The following C1QTNF2 variants were observed in gnomAD, a reference collection of about 807,000 sequenced individuals.
C1QTNF2 encodes the protein C1q and TNF related 2.
Under a neutral mutation model 17.4 loss-of-function variants are expected in C1QTNF2, and 15 were observed. The observed-to-expected ratio is 0.86, with a 90% CI of 0.58 to 1.33. The LOEUF is 1.33. C1QTNF2 is among the 40% of genes most tolerant of loss of function. C1QTNF2 has a pLI of 0.00. For missense variants in C1QTNF2, 381 were observed against 392.3 expected, an observed-to-expected ratio of 0.97 and a Z score of 0.24; for synonymous variants, 154 against 163.3, an observed-to-expected ratio of 0.94 and a Z score of 0.44.
chr5:160,354,585 A>G (rs867173744), intron 2 of C1QTNF2, among the ~76,000 whole-genome samples, 183 bp downstream of exon 2: 3,378 of 49,268 alleles, frequency 0.069, 196 homozygotes, highest in African/African-American at 0.2. Flanking sequence ...TCTCAAGGGG[A>G]AAAAAAAAAA....
Position 160,349,677 on chromosome 5 carries a change from G to A in C1QTNF2, c.349C>T (p.Pro117Ser). 6.2e-7 allele frequency: 1 copy of A among 1,612,810 alleles called. No individual in the cohort carries two copies. Among genetic ancestry groups the A allele is most frequent in the Non-Finnish European group, 8.5e-7 (1 of 1,179,704 alleles). The change falls in exon 3 of 3, where the codon CCC (proline) becomes TCC (serine). Residue 117 changes from proline (P) to serine (S), a missense_variant. By Grantham distance (74) the Pro-to-Ser change is moderately conservative. Coordinates refer to ENST00000652664, the MANE Select transcript of C1QTNF2 (RefSeq NM_031908.6). The surrounding 1 kb of genome is among the most constrained non-coding windows in gnomAD (Gnocchi z 4.3). ...PRGPKGVNGT[P>S]GKHGTPGKKG... is the part of the protein sequence containing the mutation. Reference sequence around the variant, plus strand: ...TTGCCTGGTGTGCCATGCTTCCCGGGGGTACCGTTGACCCCCTTGGGGCCA... The same window carrying A: ...TTGCCTGGTGTGCCATGCTTCCCGGAGGTACCGTTGACCCCCTTGGGGCCA...
At chr5:160,353,388 G>A (rs1403758812) in intron 2 of C1QTNF2, among the ~76,000 whole-genome samples, 2 of 152,080 alleles carry the variant, frequency 1.3e-5, no homozygotes, top group Non-Finnish European at 2.9e-5. Context: ...CATTCTGCTC[G>A]CCGTCTGCCT....
rs1764012630 is a variant in C1QTNF2, at chr5:160,354,840, C to T, written c.172G>A (p.Gly58Arg). 1 of 1,613,098 alleles carries T rather than the reference C, an allele frequency of 6.2e-7. No individual in the cohort carries two copies. The highest frequency in any genetic ancestry group is 8.5e-7 in the Non-Finnish European group (1 of 1,179,764). ...TCTTTGCCAGGAAAGCCCATTCGTCCCATCATTCCTGAGGGCCCTGGGGCT... is the reference window on the plus strand; with the variant it reads ...TCTTTGCCAGGAAAGCCCATTCGTCTCATCATTCCTGAGGGCCCTGGGGCT... ...PGAPGPSGMM[G>R]RMGFPGKDGQ... Residue 58 changes from glycine to arginine, a missense_variant, in exon 2 of 3, where the codon GGA (glycine) becomes AGA (arginine). By Grantham distance (125) the Gly-to-Arg change is moderately radical (BLOSUM62 -2). Coordinates refer to ENST00000652664, the MANE Select transcript of C1QTNF2 (RefSeq NM_031908.6).
chr5:160,351,752 C>T (rs13171059), intron 2 of C1QTNF2, among the ~76,000 whole-genome samples: 60,381 of 151,306 alleles, frequency 0.4, 12,996 homozygotes, highest in Middle Eastern at 0.48. Context: ...GAATATATTA[C>T]AATGAGACTG....
chr5:160,361,867 C>T (rs1284009803), intron 1 of C1QTNF2, among the ~76,000 whole-genome samples: 1 of 152,172 alleles, frequency 6.6e-6, no homozygotes, highest in Non-Finnish European at 1.5e-5. Flanking sequence ...CTTATCCCAT[C>T]CTGTTCTTTC....
intron 1 of C1QTNF2, among the ~76,000 whole-genome samples, chr5:160,358,464 TA>T (rs1747509711): frequency 8.1e-6 from 1 of 123,026 alleles, no homozygotes; most frequent in Non-Finnish European, 1.9e-5. Context: ...GGCCTTTCTT[TA>T]ATTTTTTTTT....
chr5:160,358,001 G>A (rs984915528), intron 1 of C1QTNF2, among the ~76,000 whole-genome samples: 8 of 152,330 alleles, frequency 5.3e-5, no homozygotes, highest in Admixed American at 1.3e-4. Context: ...AGAGGAAGGC[G>A]GATTTGCTCT....
At chr5:160,365,075 G>C (rs1324810326) in intron 1 of C1QTNF2, among the ~76,000 whole-genome samples, 1 of 152,202 alleles carries the variant, frequency 6.6e-6, no homozygotes, top group Non-Finnish European at 1.5e-5. Flanking sequence ...ATAACTGTCT[G>C]CTTACCTGAG....
intron 1 of C1QTNF2, among the ~76,000 whole-genome samples, chr5:160,358,926 G>A (rs979277587): frequency 1.3e-5 from 2 of 152,078 alleles, no homozygotes; most frequent in Admixed American, 1.3e-4. Context: ...GACTATAGGA[G>A]CGTGCCACCA....
At chr5:160,356,092 C>T (rs947743142) in intron 1 of C1QTNF2, among the ~76,000 whole-genome samples, 3 of 152,222 alleles carry the variant, frequency 2.0e-5, no homozygotes, top group African/African-American at 7.2e-5. Context: ...TCCCTGCCCT[C>T]ACTATGCATA....
At chr5:160,361,732 C>G (rs538204731) in intron 1 of C1QTNF2, among the ~76,000 whole-genome samples, 2 of 152,316 alleles carry the variant, frequency 1.3e-5, no homozygotes, top group South Asian at 2.1e-4. Context: ...AGTCCTTAAC[C>G]TCCTCTGGGA....
rs531457353 is a variant in C1QTNF2, at chr5:160,349,473, C to T, written c.553G>A (p.Gly185Ser). 9.9e-6 allele frequency: 16 copies of T among 1,614,054 alleles called. No homozygotes were observed. Among genetic ancestry groups the T allele is most frequent in the Admixed American group, 5.0e-5 (3 of 60,026 alleles). ...NEGGHYNASSGKFVCGVPGIY... is the reference protein window; with the variant it reads ...NEGGHYNASSSKFVCGVPGIY... Reference sequence around the variant, plus strand: ...CCAGGCACGCCGCAGACGAACTTGCCGCTGGAAGCATTGTAGTGGCCACCC... The same window carrying T: ...CCAGGCACGCCGCAGACGAACTTGCTGCTGGAAGCATTGTAGTGGCCACCC... The change falls in exon 3 of 3, where the codon GGC (glycine) becomes AGC (serine). Residue 185 changes from glycine to serine, a missense_variant. Physicochemically the swap from Gly to Ser is moderately conservative, Grantham distance 56. Coordinates refer to ENST00000652664, the MANE Select transcript of C1QTNF2 (RefSeq NM_031908.6). The surrounding 1 kb of genome is among the most constrained non-coding windows in gnomAD (Gnocchi z 4.3).
At position 160,351,374 on chromosome 5, in the gene C1QTNF2, G is replaced by C. The variant is rs117121002; in HGVS notation, c.245-1593C>G. On this transcript the variant is annotated intron_variant, in intron 2 of 2. Coordinates refer to ENST00000652664, the MANE Select transcript of C1QTNF2 (RefSeq NM_031908.6). ...TTAGAACCATATGAACTGGGTCAAG[G>C]AAGTAAAGTTTTAGGCATTTTACAT... Among the ~76,000 whole-genome samples, 37 of 152,306 alleles carry C rather than the reference G, an allele frequency of 2.4e-4. 1 individual carries two copies. In the East Asian group the frequency reaches 7.1e-3, roughly 29 times the overall value.
intron 1 of C1QTNF2, among the ~76,000 whole-genome samples, chr5:160,358,525 G>T (rs1313463520): frequency 6.8e-6 from 1 of 147,388 alleles, no homozygotes; most frequent in African/African-American, 2.5e-5. Flanking sequence ...TGGAGTGCGT[G>T]GTGCAAGAGC....
chr5:160,350,791 C>T (rs1269365848), intron 2 of C1QTNF2, among the ~76,000 whole-genome samples: 1 of 150,236 alleles, frequency 6.7e-6, no homozygotes, highest in Non-Finnish European at 1.5e-5. Flanking sequence ...TGCTCTGTCG[C>T]CCAGGCTGGA....
chr5:160,354,596 AAGTATATATATATATAT>A (rs1323151579), intron 2 of C1QTNF2, among the ~76,000 whole-genome samples, 155 bp downstream of exon 2: 2 of 49,920 alleles, frequency 4.0e-5, no homozygotes, highest in African/African-American at 9.0e-5. Context: ...AAAAAAAAAA[AAGTATATATATATATAT>A]ATATATATAT....
intron 2 of C1QTNF2, 137 bp downstream of exon 2, chr5:160,354,631 T>TATATAGATAGATAG (rs1314517787): frequency 8.9e-6 from 2 of 223,544 alleles, no homozygotes; most frequent in East Asian, 2.3e-4. Context: ...TATATATATA[T>TATATAGATAGATAG]ATAGATTTAT....
At chr5:160,356,375 TC>T (rs1764051014) in intron 1 of C1QTNF2, among the ~76,000 whole-genome samples, 1 of 152,228 alleles carries the variant, frequency 6.6e-6, no homozygotes, top group African/African-American at 2.4e-5. Flanking sequence ...TCAGTGCGCA[TC>T]ACACTCACCT....
At chr5:160,356,621 C>T (rs1040798207) in intron 1 of C1QTNF2, among the ~76,000 whole-genome samples, 1 of 152,216 alleles carries the variant, frequency 6.6e-6, no homozygotes, top group Non-Finnish European at 1.5e-5. Flanking sequence ...ATACAAAGCA[C>T]TGTGGGCTTT....
Sources: allele counts gnomAD v4.1 joint callset (sites outside exome capture counted in the v4.1 genomes callset), GRCh38; gene constraint gnomAD v4.1.1; non-coding constraint Gnocchi (gnomAD v3.1); transcripts MANE v1.5; gene names NCBI Gene and HGNC (gene_info 2026-07-23, HGNC 2026-07-21).